NFATC3: variants seen among roughly 807,000 people sequenced by gnomAD.
NFATC3 encodes nuclear factor of activated T-cells, cytoplasmic 3.
A neutral mutation model predicts 98.6 loss-of-function variants in NFATC3; 46 were observed. The ratio of observed to expected loss-of-function variants is 0.47; its 90% CI spans 0.37 to 0.60. NFATC3 has a LOEUF of 0.60. NFATC3 is among the 20% of genes least tolerant of loss of function. The probability of loss-of-function intolerance (pLI) is 0.00; values close to 1 mark genes in which losing one functional copy is unlikely to be tolerated. For missense variants in NFATC3, 1,256 were observed against 1,295.5 expected, an observed-to-expected ratio of 0.97 and a Z score of 0.47; for synonymous variants, 512 against 472.2, an observed-to-expected ratio of 1.08 and a Z score of -1.09.
At chr16:68,148,152 G>A (rs1162055685) in intron 3 of NFATC3, among the ~76,000 whole-genome samples, 1 of 152,006 alleles carries the variant, frequency 6.6e-6, no homozygotes, top group Non-Finnish European at 1.5e-5. Context: ...GAGTAGCTGG[G>A]ATTAGAGGCA....
At position 68,192,332 on chromosome 16, in the gene NFATC3, T is replaced by TATAGAGAG. The variant is rs1249886948; in HGVS notation, c.3106+558_3106+559insTAGAGAGA. ...ATATATGTATGTGTATATATATATA[T>TATAGAGAG]AGAGAGAGAGAGAGAGAGAGAGAAC... On this transcript the variant is annotated intron_variant, in intron 9 of 9. Coordinates refer to ENST00000346183, the MANE Select transcript of NFATC3 (RefSeq NM_173165.3). 2.2e-5 allele frequency: 3 copies of TATAGAGAG among 134,476 alleles called. No individual in the cohort carries two copies. In the Admixed American group the frequency reaches 2.3e-4, roughly 10 times the overall value. The allele number at this position is 134,476 out of a possible 1,614,324, so 8.3% of individuals were successfully genotyped here. A position where few individuals can be genotyped will look rare whatever the true frequency, so the allele number is the denominator to read the frequency against.
At chr16:68,157,729 A>G (rs2038691131) in intron 3 of NFATC3, 140 bp from the exon 4 acceptor site, 1 of 601,080 alleles carries the variant, frequency 1.7e-6, no homozygotes. Context: ...CTCACTGGTT[A>G]CTTTTGGTTG....
intron 1 of NFATC3, among the ~76,000 whole-genome samples, chr16:68,092,486 G>T (rs2034773607): frequency 6.8e-6 from 1 of 146,224 alleles, no homozygotes; most frequent in South Asian, 2.3e-4. Context: ...AAAAGGCTGG[G>T]CACGGTGGCT....
intron 9 of NFATC3, among the ~76,000 whole-genome samples, chr16:68,211,356 T>C (rs2151158779): frequency 6.6e-6 from 1 of 151,108 alleles, no homozygotes; most frequent in Middle Eastern, 3.5e-3. Context: ...CCCAGCTAAT[T>C]TTTGTATTTT....
chr16:68,214,219 C>G, intron 9 of NFATC3: 1 of 705,842 alleles, frequency 1.4e-6, no homozygotes, highest in Non-Finnish European at 2.5e-6. Context: ...AAGTAAAAGA[C>G]AGTTAAATTC....
chr16:68,087,820 G>A (rs139043242), intron 1 of NFATC3, among the ~76,000 whole-genome samples: 71 of 151,914 alleles, frequency 4.7e-4, no homozygotes, highest in Non-Finnish European at 4.0e-4. Flanking sequence ...CTTTTGTGTC[G>A]GACTACCTCA....
intron 1 of NFATC3, among the ~76,000 whole-genome samples, chr16:68,098,656 A>C (rs1483466113): frequency 6.6e-6 from 1 of 152,168 alleles, no homozygotes; most frequent in East Asian, 1.9e-4. Flanking sequence ...TATCATTTTA[A>C]ATTCCCACTA....
At chr16:68,214,486 A>G in intron 9 of NFATC3, 1 of 1,497,090 alleles carries the variant, frequency 6.7e-7, no homozygotes, top group South Asian at 1.1e-5. Context: ...TGGTATTTGC[A>G]TGCAGTGGCT....
chr16:68,112,466 T>C (rs1213129577), intron 1 of NFATC3, among the ~76,000 whole-genome samples: 3 of 150,846 alleles, frequency 2.0e-5, no homozygotes, highest in Non-Finnish European at 3.0e-5. Flanking sequence ...TTAGTAGAGA[T>C]GGGGTTTCAC....
At chr16:68,220,211 T>C (rs1271118597) in intron 9 of NFATC3, among the ~76,000 whole-genome samples, 1 of 152,180 alleles carries the variant, frequency 6.6e-6, no homozygotes, top group Admixed American at 6.5e-5. Flanking sequence ...GGCTTTTAAT[T>C]CACTTTGCTC....
At chr16:68,175,172 A>G (rs1015793556) in intron 6 of NFATC3, among the ~76,000 whole-genome samples, 21 of 152,256 alleles carry the variant, frequency 1.4e-4, no homozygotes, top group African/African-American at 5.1e-4. Flanking sequence ...CCAGCATAAA[A>G]GGACACATAG....
At chr16:68,202,139 C>T (rs1442371144) in intron 9 of NFATC3, among the ~76,000 whole-genome samples, 2 of 152,024 alleles carry the variant, frequency 1.3e-5, no homozygotes, top group African/African-American at 4.8e-5. Context: ...GCCACAGCTG[C>T]AGCTCTTCAG....
intron 1 of NFATC3, among the ~76,000 whole-genome samples, chr16:68,087,929 G>T (rs746424734): frequency 6.6e-6 from 1 of 152,020 alleles, no homozygotes; most frequent in Non-Finnish European, 1.5e-5. Context: ...CTGCCTTTTG[G>T]CTATTGTGAA....
At chr16:68,195,253 C>T (rs1294592911) in intron 9 of NFATC3, among the ~76,000 whole-genome samples, 1 of 152,006 alleles carries the variant, frequency 6.6e-6, no homozygotes, top group African/African-American at 2.4e-5. Flanking sequence ...GATACTCTGT[C>T]TCAAAAAAGA....
At chr16:68,196,935 C>T (rs538053928) in intron 9 of NFATC3, among the ~76,000 whole-genome samples, 121 of 151,910 alleles carry the variant, frequency 8.0e-4, no homozygotes, top group Non-Finnish European at 1.4e-3. Context: ...GAGGCTGAGG[C>T]AGGAGAGTCG....
chr16:68,158,135 A>T, intron 4 of NFATC3, 67 bp downstream of exon 4: 1 of 912,580 alleles, frequency 1.1e-6, no homozygotes, highest in Non-Finnish European at 1.6e-6. Flanking sequence ...AAAAGTAAAT[A>T]TATTTTTGAA....
At chr16:68,183,732 A>G (rs1206202369) in intron 8 of NFATC3, among the ~76,000 whole-genome samples, 1 of 152,106 alleles carries the variant, frequency 6.6e-6, no homozygotes, top group Non-Finnish European at 1.5e-5. Flanking sequence ...GGCCAGGCGC[A>G]GTGGCTCATG....
At position 68,122,458 on chromosome 16, in the gene NFATC3, T is replaced by A. The variant is rs2036619832; in HGVS notation, c.575T>A (p.Val192Glu). 5.6e-6 allele frequency: 9 copies of A among 1,614,014 alleles called. No homozygotes were observed. Among genetic ancestry groups the A allele is most frequent in the Non-Finnish European group, 6.8e-6 (8 of 1,180,028 alleles). The change falls in exon 2 of 10, where the codon GTG becomes GAG. Residue 192 changes from valine to glutamate, a missense_variant. Transcript: ENST00000346183. ...CESLSHIYDDVDSELNEAAAR... is the reference protein window; with the variant it reads ...CESLSHIYDDEDSELNEAAAR... ...TCGCTTTCACATATTTATGATGATG[T>A]GGACTCAGAGTTGAATGAAGCTGCA...
intron 5 of NFATC3, among the ~76,000 whole-genome samples, chr16:68,173,444 G>A (rs896209746): frequency 3.9e-5 from 6 of 152,118 alleles, no homozygotes; most frequent in Non-Finnish European, 8.8e-5. Context: ...GCACATGCCT[G>A]TAATCCCAGC....
Sources: allele counts gnomAD v4.1 joint callset (sites outside exome capture counted in the v4.1 genomes callset), GRCh38; gene constraint gnomAD v4.1.1; transcripts MANE v1.5; gene names NCBI Gene and HGNC (gene_info 2026-07-23, HGNC 2026-07-21).